The following PPP2R2D variants were observed in gnomAD, a reference collection of about 807,000 sequenced individuals.
The protein encoded by PPP2R2D is protein phosphatase 2 regulatory subunit Bdelta.
Under a neutral mutation model 31.1 loss-of-function variants are expected in PPP2R2D, and 9 were observed. The observed-to-expected ratio is 0.29, with a 90% CI of 0.17 to 0.51. PPP2R2D has a LOEUF of 0.51. PPP2R2D is among the 20% of genes least tolerant of loss of function. PPP2R2D has a pLI of 0.98. For missense variants in PPP2R2D, 391 were observed against 465.6 expected, an observed-to-expected ratio of 0.84 and a Z score of 1.48; for synonymous variants, 179 against 172.6, an observed-to-expected ratio of 1.04 and a Z score of -0.29.
In PPP2R2D at chr10:131,957,075, A is replaced by G. The variant is rs1589967367; in HGVS notation, c.*1112A>G. The G allele has an allele frequency of 6.6e-6, 1 of 152,486 alleles. No individual in the cohort carries two copies. The highest frequency in any genetic ancestry group is 1.9e-4 in the East Asian group (1 of 5,210). The allele number at this position is 152,486 out of a possible 1,614,324, so 9.4% of individuals were successfully genotyped here. On this transcript the variant is annotated 3_prime_UTR_variant, in exon 9 of 9. Coordinates refer to ENST00000455566, the MANE Select transcript of PPP2R2D (RefSeq NM_018461.5). Reference sequence around the variant, plus strand: ...CAAGATTTTCCAAGACAAATAATACAGAGCTGTACCAATGCTGAGTGACCA... The same window carrying G: ...CAAGATTTTCCAAGACAAATAATACGGAGCTGTACCAATGCTGAGTGACCA...
intron 2 of PPP2R2D, among the ~76,000 whole-genome samples, chr10:131,909,291 ACT>A (rs1354323776): frequency 6.6e-6 from 1 of 152,134 alleles, no homozygotes; most frequent in Non-Finnish European, 1.5e-5. Context: ...TGTGCTCAGG[ACT>A]CTGAGTGATT....
rs961344602 is a variant in PPP2R2D at position 131,907,198 on chromosome 10, A to T, written c.100+5868A>T. On this transcript the variant is annotated intron_variant, in intron 2 of 8. Transcript: ENST00000455566. ...GGGCATTTGGTATTTATTCATTTAT[A>T]TTTTTTTTTTGGTCTTAATGGGACA... 1.0e-2 allele frequency among the ~76,000 whole-genome samples: 1,492 copies of T among 149,458 alleles called. 15 individuals carry two copies. Among genetic ancestry groups the T allele is most frequent in the African/African-American group, 0.023 (928 of 41,012 alleles).
chr10:131,943,102 C>T (rs1381065923), intron 5 of PPP2R2D, among the ~76,000 whole-genome samples: 3 of 152,162 alleles, frequency 2.0e-5, no homozygotes, highest in Non-Finnish European at 1.5e-5. Context: ...TTATGTTTTT[C>T]TTCCAGCTGG....
intron 5 of PPP2R2D, among the ~76,000 whole-genome samples, chr10:131,942,807 T>C (rs1346467618): frequency 6.6e-6 from 1 of 152,222 alleles, no homozygotes; most frequent in Non-Finnish European, 1.5e-5. Context: ...AATGGGAAAT[T>C]TGTTAGAGGA....
In PPP2R2D at chr10:131,912,178, T is replaced by C. The variant is rs2035695779; in HGVS notation, c.100+10848T>C. ...TGTATTAGTCAGTATTGTTTTTTGC[T>C]ACTTCTTTTCCTTTCCTTTCCTTTT... is the stretch of plus-strand genomic sequence containing the variant. On this transcript the variant is annotated intron_variant, in intron 2 of 8. Transcript: ENST00000455566. The C allele has an allele frequency of 1.3e-5, 2 of 152,250 alleles. 1 individual carries two copies. The highest frequency in any genetic ancestry group is 4.1e-4 in the South Asian group (2 of 4,832). The allele number at this position is 152,250 out of a possible 1,614,324, so 9.4% of individuals were successfully genotyped here.
chr10:131,935,327 G>C (rs112513508), intron 3 of PPP2R2D, among the ~76,000 whole-genome samples: 1 of 152,198 alleles, frequency 6.6e-6, no homozygotes, highest in Admixed American at 6.5e-5. Flanking sequence ...TATAAATACA[G>C]TCCCTTGCCC....
chr10:131,962,548 C>T (rs1554901608), downstream of PPP2R2D, among the ~76,000 whole-genome samples: 1 of 152,198 alleles, frequency 6.6e-6, no homozygotes, highest in Non-Finnish European at 1.5e-5. Flanking sequence ...TTCTTCTTAT[C>T]CTTGGGACGT....
rs113493384 is a variant in PPP2R2D, at chr10:131,949,805, G to A, written c.1082+2014G>A. 1.9e-3 allele frequency among the ~76,000 whole-genome samples: 144 copies of A among 76,304 alleles called. 1 individual carries two copies. The highest frequency in any genetic ancestry group is 7.3e-3 in the African/African-American group (135 of 18,422). The allele number at this position is 76,304 out of a possible 152,430, so 50.1% of individuals were successfully genotyped here. ...GAGAACATCTAGAAATGACAAGTAT[G>A]ATACATGACCGCCAAACATGACGTG... On this transcript the variant is annotated intron_variant, in intron 8 of 8. Coordinates refer to ENST00000455566, the MANE Select transcript of PPP2R2D (RefSeq NM_018461.5).
rs1221194656 is a variant in PPP2R2D, at chr10:131,940,128, AG to A, written c.298del (p.Glu100LysfsTer26). ...EFDYLKSLEIEEKINKIRWLP... is the reference protein window; with the variant it reads ...EFDYLKSLEIXEKINKIRWLP... ...GACTATTTGAAAAGTCTAGAAATTG[AG>A]GAAAAAATTAATAAAATTAGGTGGT... On this transcript the variant is annotated frameshift_variant, in exon 4 of 9. Transcript: ENST00000455566. LOFTEE classifies it high-confidence loss of function. 1.3e-6 allele frequency: 1 copy of A among 778,596 alleles called. No individual in the cohort carries two copies. The highest frequency in any genetic ancestry group is 2.4e-5 in the East Asian group (1 of 41,230). 48.2% of individuals were successfully genotyped at this position (778,596 alleles called of 1,614,324 possible).
At chr10:131,936,185 TCA>T (rs1385461580) in intron 3 of PPP2R2D, among the ~76,000 whole-genome samples, 1 of 151,880 alleles carries the variant, frequency 6.6e-6, no homozygotes, top group African/African-American at 2.4e-5. Flanking sequence ...TCTTGCTCTG[TCA>T]CCTGGGCTGG....
intron 2 of PPP2R2D, among the ~76,000 whole-genome samples, chr10:131,913,283 G>A (rs1308420251): frequency 1.3e-5 from 2 of 150,718 alleles, no homozygotes; most frequent in South Asian, 2.1e-4. Context: ...CGCCCACCTC[G>A]GCCTCCCAAA....
intron 2 of PPP2R2D, among the ~76,000 whole-genome samples, chr10:131,921,829 C>G (rs1029445275): frequency 1.3e-5 from 2 of 152,150 alleles, no homozygotes; most frequent in African/African-American, 4.8e-5. Context: ...AAATCAGAGT[C>G]TACCATGGCT....
chr10:131,952,493 G>T (rs1416691140), intron 8 of PPP2R2D, among the ~76,000 whole-genome samples: 3 of 87,374 alleles, frequency 3.4e-5, no homozygotes, highest in East Asian at 4.2e-4. Flanking sequence ...GTGCGGGGGG[G>T]TTCACTGTCT....
intron 8 of PPP2R2D, among the ~76,000 whole-genome samples, chr10:131,949,062 C>T (rs956510606): frequency 6.6e-6 from 1 of 152,178 alleles, no homozygotes; most frequent in Non-Finnish European, 1.5e-5. Context: ...GTGCGGGCAT[C>T]GGGAGGGACC....
chr10:131,930,342 C>G lies in PPP2R2D; in HGVS notation c.101-4116C>G, dbSNP rs540084278. 8.5e-5 allele frequency among the ~76,000 whole-genome samples: 13 copies of G among 152,364 alleles called. No individual in the cohort carries two copies. The South Asian group carries it at 2.3e-3, about 27-fold the overall frequency. ...GCCTGAACGGCCACTCTGAGGCCTG[C>G]TGGCCGCCTGGCTCATGTCCTGAGA... is the stretch of plus-strand genomic sequence containing the variant. On this transcript the variant is annotated intron_variant, in intron 2 of 8. Transcript: ENST00000455566.
Position 131,947,272 on chromosome 10 carries a change from G to T in PPP2R2D, c.821-258G>T, listed in dbSNP as rs1434708855. Reference sequence around the variant, plus strand: ...GCCTAGAGATTCTCATTCAGGGTCCGGGTGAGACTTGGGCGTCTACGCTTC... The same window carrying T: ...GCCTAGAGATTCTCATTCAGGGTCCTGGTGAGACTTGGGCGTCTACGCTTC... On this transcript the variant is annotated intron_variant, in intron 7 of 8. Transcript: ENST00000455566. This position sits in a 1 kb window ranked among gnomAD's most constrained non-coding sequence, Gnocchi z 4.3. Among the ~76,000 whole-genome samples the T allele has an allele frequency of 6.6e-6, 1 of 152,178 alleles. No individual in the cohort carries two copies. Among genetic ancestry groups the T allele is most frequent in the Admixed American group, 6.5e-5 (1 of 15,278 alleles).
rs117998256 is a variant in PPP2R2D at position 131,933,808 on chromosome 10, C to A, written c.101-650C>A. On this transcript the variant is annotated intron_variant, in intron 2 of 8. Transcript: ENST00000455566. ...TTTCTCACTGCTTAGTGGTGGTGTT[C>A]CTTCTGCCCCGGGGTCTTGGCCTCT... Among the ~76,000 whole-genome samples, 427 of 152,194 alleles carry A rather than the reference C, an allele frequency of 2.8e-3. 1 individual carries two copies. Among genetic ancestry groups the A allele is most frequent in the Middle Eastern group, 0.017 (5 of 294 alleles).
intron 2 of PPP2R2D, among the ~76,000 whole-genome samples, chr10:131,914,816 A>G (rs1554892856): frequency 6.6e-6 from 1 of 152,158 alleles, no homozygotes; most frequent in African/African-American, 2.4e-5. Context: ...GTCACGCCTC[A>G]CTGAACAGAG....
intron 8 of PPP2R2D, among the ~76,000 whole-genome samples, chr10:131,952,246 G>GC (rs2036657630): frequency 9.2e-6 from 1 of 108,728 alleles, no homozygotes; most frequent in Non-Finnish European, 1.9e-5. Flanking sequence ...AGTGACTTGG[G>GC]GGGTCCCTGT....
Sources: gnomAD v4.1 joint callset for allele counts (sites outside exome capture counted in the v4.1 genomes callset) on GRCh38, gnomAD v4.1.1 for gene constraint, Gnocchi (gnomAD v3.1) non-coding constraint, MANE v1.5 for transcripts, NCBI Gene and HGNC (gene_info 2026-07-23, HGNC 2026-07-21) for gene names.